Variants in CTNNA2 observed in about 807,000 individuals in gnomAD.
CTNNA2 encodes the protein catenin alpha 2, also known as catenin alpha-2.
CTNNA2 carries 42 observed loss-of-function variants against 101.0 expected under a neutral mutation model. The observed-to-expected ratio is 0.42, with a 90% CI of 0.32 to 0.54. The LOEUF is 0.54. Among genes scored for constraint, CTNNA2 ranks in the 20% least tolerant of loss-of-function variants. CTNNA2 has a pLI of 0.14. For synonymous variants in CTNNA2, 450 were observed against 456.4 expected, an observed-to-expected ratio of 0.99 and a Z score of 0.18; for missense variants, 871 against 1,223.1, an observed-to-expected ratio of 0.71 and a Z score of 4.29.
intron 7 of CTNNA2, among the ~76,000 whole-genome samples, chr2:79,987,940 C>T (rs1017933883): frequency 3.3e-5 from 5 of 152,176 alleles, no homozygotes; most frequent in Non-Finnish European, 5.9e-5. Context: ...TAGATAGAGC[C>T]TACAGTTACC....
intron 9 of CTNNA2, among the ~76,000 whole-genome samples, chr2:80,501,751 T>G (rs1687900194): frequency 6.6e-6 from 1 of 152,144 alleles, no homozygotes; most frequent in South Asian, 2.1e-4. Flanking sequence ...TGCTTTTACC[T>G]GAACTCAGAT....
chr2:79,582,272 A>G (rs1379776077), intron 1 of CTNNA2, among the ~76,000 whole-genome samples: 1 of 152,236 alleles, frequency 6.6e-6, no homozygotes, highest in African/African-American at 2.4e-5. Flanking sequence ...TACTCAGTAA[A>G]TGTTGACTAT....
At chr2:80,321,272 T>G (rs2149246188) in intron 7 of CTNNA2, among the ~76,000 whole-genome samples, 1 of 152,278 alleles carries the variant, frequency 6.6e-6, no homozygotes, top group South Asian at 2.1e-4. Context: ...GGAGAGGCTT[T>G]GGAGGTTTCA....
In CTNNA2 at chr2:80,303,055, A is replaced by C. The variant is rs1328946989; in HGVS notation, c.1057-90156A>C. The C allele has an allele frequency of 2.5e-6, 4 of 1,613,688 alleles. No homozygotes were observed. Among genetic ancestry groups the C allele is most frequent in the Admixed American group, 1.7e-5 (1 of 59,952 alleles). ...ACAAGTCCATTTTCTCCAGGTTCCAAACCCAGTCCAGCGAGCTGACCACAA... is the reference window on the plus strand; with the variant it reads ...ACAAGTCCATTTTCTCCAGGTTCCACACCCAGTCCAGCGAGCTGACCACAA... On this transcript the variant is annotated intron_variant, in intron 7 of 18. Coordinates refer to ENST00000402739, the MANE Select transcript of CTNNA2 (RefSeq NM_001282597.3). The surrounding 1 kb of genome is among the most constrained non-coding windows in gnomAD (Gnocchi z 7.7).
intron 3 of CTNNA2, among the ~76,000 whole-genome samples, chr2:79,344,168 AC>A (rs1354771310): frequency 1.3e-5 from 2 of 152,038 alleles, no homozygotes; most frequent in Non-Finnish European, 2.9e-5. Context: ...TGTCAAAGGC[AC>A]CCCGCTCTAC....
chr2:80,196,306 T>C (rs1356287512), intron 7 of CTNNA2, among the ~76,000 whole-genome samples: 2 of 152,160 alleles, frequency 1.3e-5, no homozygotes, highest in African/African-American at 4.8e-5. Flanking sequence ...ATCCTATTCC[T>C]AGTTATAGGA....
chr2:79,831,885 C>G (rs1176285405), intron 3 of CTNNA2, among the ~76,000 whole-genome samples: 2 of 151,806 alleles, frequency 1.3e-5, no homozygotes, highest in African/African-American at 4.8e-5. Context: ...CAGTAAATTT[C>G]AAGCAGATGA....
Position 80,066,137 on chromosome 2 carries a change from T to A in CTNNA2, c.1056+156340T>A, listed in dbSNP as rs1194853397. ...AAAATTACCCTCACATTGAGTAGAG[T>A]TGACTTGTGTAACTCAAAAAGATAT... is the stretch of plus-strand genomic sequence containing the variant. On this transcript the variant is annotated intron_variant, in intron 7 of 18. Coordinates refer to ENST00000402739, the MANE Select transcript of CTNNA2 (RefSeq NM_001282597.3). Among the ~76,000 whole-genome samples, 5 of 152,182 alleles carry A rather than the reference T, an allele frequency of 3.3e-5. 1 individual carries two copies. In the East Asian group the frequency reaches 7.7e-4, roughly 24 times the overall value.
At chr2:80,524,402 T>A (rs1559180861) in intron 9 of CTNNA2, among the ~76,000 whole-genome samples, 1 of 152,170 alleles carries the variant, frequency 6.6e-6, no homozygotes. Flanking sequence ...TTTCTTCTGA[T>A]TCATCTTCCA....
chr2:79,653,018 A>G (rs1386519868), intron 2 of CTNNA2, among the ~76,000 whole-genome samples: 1 of 152,158 alleles, frequency 6.6e-6, no homozygotes, highest in Non-Finnish European at 1.5e-5. Flanking sequence ...AAAACAAATT[A>G]TATGTTCCCA....
chr2:80,098,177 G>T (rs891391431), intron 7 of CTNNA2, among the ~76,000 whole-genome samples: 1 of 152,104 alleles, frequency 6.6e-6, no homozygotes, highest in Non-Finnish European at 1.5e-5. Flanking sequence ...CGTACAAATG[G>T]GTTTTTGGTG....
chr2:80,541,397 A>G (rs1422447213), intron 9 of CTNNA2, among the ~76,000 whole-genome samples: 1 of 152,222 alleles, frequency 6.6e-6, no homozygotes, highest in Non-Finnish European at 1.5e-5. Context: ...AGGACTATCA[A>G]GAGGTGCCAG....
intron 7 of CTNNA2, among the ~76,000 whole-genome samples, chr2:79,944,659 G>A (rs2860205): frequency 0.82 from 124,981 of 152,152 alleles, 52,671 homozygotes; most frequent in Non-Finnish European, 0.92. Context: ...AGCATAAGGA[G>A]ATCCATGAGT....
intron 2 of CTNNA2, among the ~76,000 whole-genome samples, chr2:79,269,178 C>T (rs1675028992): frequency 6.6e-6 from 1 of 152,100 alleles, no homozygotes; most frequent in Non-Finnish European, 1.5e-5. Flanking sequence ...TGGATACTCC[C>T]AGGGGGAGAT....
At chr2:79,810,421 C>T (rs1676921536) in intron 3 of CTNNA2, among the ~76,000 whole-genome samples, 1 of 152,068 alleles carries the variant, frequency 6.6e-6, no homozygotes, top group Admixed American at 6.6e-5. Flanking sequence ...TTATCTCCCC[C>T]TGGGTCCCTC....
At chr2:80,579,675 T>C (rs929093744) in intron 13 of CTNNA2, among the ~76,000 whole-genome samples, 6 of 152,188 alleles carry the variant, frequency 3.9e-5, no homozygotes, top group Admixed American at 3.9e-4. Flanking sequence ...TGAGTGAATG[T>C]TAATAAGGTT....
intron 11 of CTNNA2, among the ~76,000 whole-genome samples, chr2:80,550,793 C>G (rs772361914): frequency 7.2e-6 from 1 of 138,380 alleles, no homozygotes; most frequent in Non-Finnish European, 1.6e-5. Flanking sequence ...AGTCTTGAAC[C>G]CTTCAAAGTC....
chr2:79,784,033 CT>C (rs1289761826), intron 3 of CTNNA2, among the ~76,000 whole-genome samples: 1 of 152,116 alleles, frequency 6.6e-6, no homozygotes, highest in Non-Finnish European at 1.5e-5. Context: ...AGTTTTTCTT[CT>C]GCTCATATTG....
intron 9 of CTNNA2, among the ~76,000 whole-genome samples, chr2:80,444,744 G>A (rs1033698293): frequency 1.2e-4 from 18 of 152,280 alleles, no homozygotes; most frequent in Admixed American, 1.0e-3. Context: ...TGAGGACATA[G>A]CAAGAAGACT....
Sources: allele counts gnomAD v4.1 joint callset (sites outside exome capture counted in the v4.1 genomes callset), GRCh38; gene constraint gnomAD v4.1.1; non-coding constraint Gnocchi (gnomAD v3.1); transcripts MANE v1.5; gene names NCBI Gene and HGNC (gene_info 2026-07-23, HGNC 2026-07-21).